UBE2H: variants seen among roughly 807,000 people sequenced by gnomAD.
UBE2H encodes the protein ubiquitin-conjugating enzyme E2 H.
A neutral mutation model predicts 29.0 loss-of-function variants in UBE2H; 3 were observed. The observed-to-expected ratio is 0.10, with a 90% CI of 0.05 to 0.27. UBE2H has a LOEUF of 0.27. Among genes scored for constraint, UBE2H ranks in the 10% least tolerant of loss-of-function variants. The pLI is 1.00. For missense variants in UBE2H, 68 were observed against 228.2 expected, an observed-to-expected ratio of 0.30 and a Z score of 4.52; for synonymous variants, 69 against 82.9, an observed-to-expected ratio of 0.83 and a Z score of 0.91.
intron 1 of UBE2H, among the ~76,000 whole-genome samples, chr7:129,938,152 T>C (rs1472297175): frequency 6.6e-6 from 1 of 152,088 alleles, no homozygotes; most frequent in Admixed American, 6.6e-5. Context: ...GGTTCACAAC[T>C]GTAATCCCAG....
At chr7:129,898,894 C>T (rs1410473753) in intron 1 of UBE2H, among the ~76,000 whole-genome samples, 1 of 151,608 alleles carries the variant, frequency 6.6e-6, no homozygotes, top group Non-Finnish European at 1.5e-5. Flanking sequence ...AGTCCCACTG[C>T]CTAGATACTA....
chr7:129,945,860 C>T (rs1031510302), intron 1 of UBE2H, among the ~76,000 whole-genome samples: 1 of 152,158 alleles, frequency 6.6e-6, no homozygotes, highest in Admixed American at 6.5e-5. Context: ...ATTCTCCTGC[C>T]TCAACCTCCC....
At chr7:129,842,856 C>T (rs1262853141) in intron 5 of UBE2H, among the ~76,000 whole-genome samples, 1 of 152,068 alleles carries the variant, frequency 6.6e-6, no homozygotes, top group African/African-American at 2.4e-5. Flanking sequence ...TGAGCCCAGA[C>T]TGCGCCATTG....
At chr7:129,929,574 T>C (rs528423633) in intron 1 of UBE2H, among the ~76,000 whole-genome samples, 1 of 152,236 alleles carries the variant, frequency 6.6e-6, no homozygotes, top group South Asian at 2.1e-4. Flanking sequence ...GGTCTCAGAA[T>C]CTATAAAATA....
At chr7:129,887,813 G>A (rs995512246) in intron 1 of UBE2H, among the ~76,000 whole-genome samples, 8 of 152,088 alleles carry the variant, frequency 5.3e-5, no homozygotes, top group African/African-American at 1.9e-4. Flanking sequence ...ATTACGGTGA[G>A]CCAAAGTTAC....
chr7:129,875,994 A>T (rs1806137500), intron 3 of UBE2H, among the ~76,000 whole-genome samples: 2 of 152,182 alleles, frequency 1.3e-5, no homozygotes, highest in South Asian at 4.1e-4. Context: ...TCTTGTAGAA[A>T]CTTATGTCTT....
At position 129,952,886 on chromosome 7, in the gene UBE2H, T is replaced by G; in HGVS notation, c.-331A>C. On this transcript the variant is annotated 5_prime_UTR_variant, in exon 1 of 7. Transcript: ENST00000355621. Reference sequence around the variant, plus strand: ...GCTCGCCTGCTCCCCACTCACCCTCTGACCGGCTCCTAGCAGCCTCCACTA... The same window carrying G: ...GCTCGCCTGCTCCCCACTCACCCTCGGACCGGCTCCTAGCAGCCTCCACTA... 1 of 198,552 alleles carries G rather than the reference T, an allele frequency of 5.0e-6. No homozygotes were observed. 12.3% of individuals were successfully genotyped at this position (198,552 alleles called of 1,614,324 possible). A position where few individuals can be genotyped will look rare whatever the true frequency, so the allele number is the denominator to read the frequency against.
chr7:129,876,945 A>G (rs1348812444), intron 3 of UBE2H, among the ~76,000 whole-genome samples: 2 of 152,234 alleles, frequency 1.3e-5, no homozygotes, highest in African/African-American at 4.8e-5. Flanking sequence ...AAAGATAAGC[A>G]TATCACATTA....
intron 1 of UBE2H, among the ~76,000 whole-genome samples, chr7:129,894,331 G>A (rs1336748819): frequency 6.6e-6 from 1 of 151,928 alleles, no homozygotes; most frequent in Non-Finnish European, 1.5e-5. Context: ...GCATGCGCCT[G>A]TAGTCCCAGC....
At chr7:129,920,848 C>CAAAAAAAAAAAAAAAAAAAAAAAA in intron 1 of UBE2H, among the ~76,000 whole-genome samples, 1 of 73,982 alleles carries the variant, frequency 1.4e-5, no homozygotes, top group Middle Eastern at 8.6e-3. Flanking sequence ...TAGAAAAAGT[C>CAAAAAAAAAAAAAAAAAAAAAAAA]AAAAAAAAAA....
chr7:129,873,120 G>A lies in UBE2H; in HGVS notation c.205+6448C>T, dbSNP rs536700094. 2.0e-5 allele frequency among the ~76,000 whole-genome samples: 3 copies of A among 150,642 alleles called. No homozygotes were observed. In the South Asian group the frequency reaches 6.4e-4, roughly 32 times the overall value. ...TGCAAGCTCCGCCTCCCGGGTTCAC[G>A]CCATTCTCCTGCCTTAGCCTCCCAA... On this transcript the variant is annotated intron_variant, in intron 3 of 6. Coordinates refer to ENST00000355621, the MANE Select transcript of UBE2H (RefSeq NM_003344.4).
intron 1 of UBE2H, among the ~76,000 whole-genome samples, chr7:129,927,280 G>A (rs1306132418): frequency 6.6e-6 from 1 of 152,150 alleles, no homozygotes; most frequent in Non-Finnish European, 1.5e-5. Context: ...GGTGGCTCAT[G>A]CCTGTAATCC....
intron 1 of UBE2H, among the ~76,000 whole-genome samples, chr7:129,934,969 G>GTATATATGTGTGTGTA (rs1353963928): frequency 6.7e-6 from 1 of 150,114 alleles, no homozygotes; most frequent in Non-Finnish European, 1.5e-5. Context: ...ATATATATGT[G>GTATATATGTGTGTGTA]TATATATGTG....
chr7:129,944,272 C>T (rs373068347), intron 1 of UBE2H, among the ~76,000 whole-genome samples: 6 of 152,086 alleles, frequency 3.9e-5, no homozygotes, highest in Non-Finnish European at 8.8e-5. Context: ...AGGAGAATGG[C>T]GTGAACCCAG....
intron 3 of UBE2H, among the ~76,000 whole-genome samples, chr7:129,860,346 C>A (rs1430415626): frequency 6.6e-6 from 1 of 152,112 alleles, no homozygotes; most frequent in African/African-American, 2.4e-5. Flanking sequence ...GAAAAAAAAT[C>A]TTTGTGTCCA....
At chr7:129,836,356 G>C (rs1334539218) in intron 6 of UBE2H, among the ~76,000 whole-genome samples, 1 of 152,130 alleles carries the variant, frequency 6.6e-6, no homozygotes, top group Non-Finnish European at 1.5e-5. Context: ...CAAGGCCTTT[G>C]AGAGAGAGAA....
chr7:129,944,197 A>T (rs1037508683), intron 1 of UBE2H, among the ~76,000 whole-genome samples: 6 of 152,016 alleles, frequency 3.9e-5, no homozygotes, highest in African/African-American at 1.2e-4. Context: ...GCTACTAAAA[A>T]TACAAAAAAT....
At chr7:129,858,709 G>T (rs1805749978) in intron 4 of UBE2H, among the ~76,000 whole-genome samples, 193 bp downstream of exon 4, 1 of 152,068 alleles carries the variant, frequency 6.6e-6, no homozygotes, top group Non-Finnish European at 1.5e-5. Flanking sequence ...AAAAATAAGT[G>T]GTACAACAGC....
chr7:129,894,761 T>TTACA (rs1044303228), intron 1 of UBE2H, among the ~76,000 whole-genome samples: 5 of 152,070 alleles, frequency 3.3e-5, no homozygotes, highest in African/African-American at 1.2e-4. Flanking sequence ...AGTGCTGGCA[T>TTACA]TACAGGCCTG....
Sources: allele counts gnomAD v4.1 joint callset (sites outside exome capture counted in the v4.1 genomes callset), GRCh38; gene constraint gnomAD v4.1.1; transcripts MANE v1.5; gene names NCBI Gene and HGNC (gene_info 2026-07-23, HGNC 2026-07-21).